Variants in MINPP1 observed in about 807,000 individuals in gnomAD.
The protein encoded by MINPP1 is multiple inositol-polyphosphate phosphatase 1.
Under a neutral mutation model 46.1 loss-of-function variants are expected in MINPP1, and 28 were observed. That is an observed-to-expected ratio of 0.61 (90% confidence interval 0.45 to 0.83). MINPP1 has a LOEUF of 0.83. Ranked by LOEUF, MINPP1 falls within the 40% of genes least tolerant of loss-of-function variation. The probability of loss-of-function intolerance (pLI) is 0.00; values close to 1 mark genes in which losing one functional copy is unlikely to be tolerated. For synonymous variants in MINPP1, 268 were observed against 249.1 expected, an observed-to-expected ratio of 1.08 and a Z score of -0.72; for missense variants, 603 against 610.0, an observed-to-expected ratio of 0.99 and a Z score of 0.12.
At chr10:87,522,556 G>A (rs911994179) in intron 4 of MINPP1, among the ~76,000 whole-genome samples, 9 of 152,254 alleles carry the variant, frequency 5.9e-5, no homozygotes, top group Admixed American at 2.0e-4. Flanking sequence ...TAATAAGTGT[G>A]CAATAGCATT....
intron 2 of MINPP1, chr10:87,509,724 C>G: frequency 2.8e-6 from 1 of 361,758 alleles, no homozygotes; most frequent in East Asian, 8.0e-5. Context: ...GATTTTAAAA[C>G]TTTTAAGAGT....
At chr10:87,519,355 C>T (rs1456699114) in intron 3 of MINPP1, among the ~76,000 whole-genome samples, 1 of 152,190 alleles carries the variant, frequency 6.6e-6, no homozygotes, top group East Asian at 1.9e-4. Context: ...GTTCCAAAAC[C>T]AGGAGTGGTC....
At position 87,507,966 on chromosome 10, in the gene MINPP1, A is replaced by G. The variant is rs1851277480; in HGVS notation, c.638-370A>G. 4 of 1,351,160 alleles carry G rather than the reference A, an allele frequency of 3.0e-6. No homozygotes were observed. The South Asian group carries it at 5.5e-5, about 18-fold the overall frequency. 83.7% of individuals were successfully genotyped at this position (1,351,160 alleles called of 1,614,324 possible). A position where few individuals can be genotyped will look rare whatever the true frequency, so the allele number is the denominator to read the frequency against. Reference sequence around the variant, plus strand: ...CTTAGAGTGAAAAAATAGATTCCATATGTTGAATTCTCTCTCACCTTGTAA... The same window carrying G: ...CTTAGAGTGAAAAAATAGATTCCATGTGTTGAATTCTCTCTCACCTTGTAA... On this transcript the variant is annotated intron_variant, in intron 1 of 4. Coordinates refer to ENST00000371996, the MANE Select transcript of MINPP1 (RefSeq NM_004897.5).
intron 4 of MINPP1, among the ~76,000 whole-genome samples, chr10:87,533,409 A>AATTTAAGCAGATATTTCT (rs1182744216): frequency 9.8e-5 from 15 of 152,308 alleles, no homozygotes; most frequent in African/African-American, 3.4e-4. Context: ...AAAACCAGCA[A>AATTTAAGCAGATATTTCT]ATTTAAGCAG....
At chr10:87,530,102 C>G (rs994990437) in intron 4 of MINPP1, among the ~76,000 whole-genome samples, 1 of 152,232 alleles carries the variant, frequency 6.6e-6, no homozygotes, top group East Asian at 1.9e-4. Flanking sequence ...GTTAACCATT[C>G]GTCTAATCTT....
At chr10:87,525,484 T>A (rs908548009) in intron 4 of MINPP1, among the ~76,000 whole-genome samples, 11 of 152,254 alleles carry the variant, frequency 7.2e-5, no homozygotes, top group Admixed American at 7.2e-4. Context: ...TTCTTTTTCA[T>A]GGCTGAATAA....
intron 4 of MINPP1, among the ~76,000 whole-genome samples, chr10:87,525,963 C>T (rs1177788371): frequency 2.0e-5 from 3 of 152,192 alleles, no homozygotes; most frequent in African/African-American, 7.2e-5. Flanking sequence ...CATTGATGGA[C>T]ATGTGGGTTG....
In MINPP1 at chr10:87,522,483, CAATG is replaced by C. The variant is rs143505342; in HGVS notation, c.1067+1317_1067+1320del. Among the ~76,000 whole-genome samples the C allele has an allele frequency of 5.7e-4, 86 of 152,200 alleles. 1 individual carries two copies. The East Asian group carries it at 0.016, about 28-fold the overall frequency. Reference sequence around the variant, plus strand: ...GACCACTGCAAAAAAGTGAATATCACAATGAAGGGAGTCACACAATTTTTTTGGT... The same window carrying C: ...GACCACTGCAAAAAAGTGAATATCACAAGGGAGTCACACAATTTTTTTGGT... On this transcript the variant is annotated intron_variant, in intron 4 of 4. Coordinates refer to ENST00000371996, the MANE Select transcript of MINPP1 (RefSeq NM_004897.5).
Position 87,552,247 on chromosome 10 carries a change from T to C in MINPP1, c.1233T>C (p.Tyr411=), listed in dbSNP as rs113442865. The C allele has an allele frequency of 1.3e-4, 203 of 1,613,764 alleles. No individual in the cohort carries two copies. The highest frequency in any genetic ancestry group is 1.7e-4 in the Non-Finnish European group (201 of 1,179,840). Residue 411 remains tyrosine, a synonymous_variant, in exon 5 of 5, where the codon TAT becomes TAC. Coordinates refer to ENST00000371996, the MANE Select transcript of MINPP1 (RefSeq NM_004897.5). ...RKFRSGLIVP[Y]ASNLIFVLYH... ...TCCGAAGTGGTCTCATTGTACCTTA[T>C]GCCTCGAACCTGATATTTGTGCTTT...
intron 4 of MINPP1, among the ~76,000 whole-genome samples, chr10:87,526,758 A>G (rs1053345685): frequency 1.1e-4 from 17 of 152,288 alleles, no homozygotes; most frequent in Middle Eastern, 3.4e-3. Flanking sequence ...TCAGCTTTCT[A>G]CATATGGCTA....
At chr10:87,551,006 T>C (rs1851954910) in intron 4 of MINPP1, among the ~76,000 whole-genome samples, 2 of 152,102 alleles carry the variant, frequency 1.3e-5, no homozygotes, top group South Asian at 4.1e-4. Flanking sequence ...GGGATTCTCT[T>C]GTTCTCAGAT....
intron 4 of MINPP1, among the ~76,000 whole-genome samples, chr10:87,549,445 G>A (rs1851932398): frequency 6.6e-6 from 1 of 152,118 alleles, no homozygotes; most frequent in Admixed American, 6.5e-5. Context: ...TCTGTCCTGT[G>A]CTCTCCAACA....
At chr10:87,526,190 C>T (rs1280679283) in intron 4 of MINPP1, among the ~76,000 whole-genome samples, 1 of 150,768 alleles carries the variant, frequency 6.6e-6, no homozygotes, top group Non-Finnish European at 1.5e-5. Flanking sequence ...AAAGTGTTCT[C>T]ACATCCTCTC....
intron 4 of MINPP1, among the ~76,000 whole-genome samples, chr10:87,537,086 G>C (rs1352579246): frequency 6.6e-6 from 1 of 152,064 alleles, no homozygotes; most frequent in African/African-American, 2.4e-5. Flanking sequence ...ACAGGCATGT[G>C]CCACCACGCC....
chr10:87,528,886 G>A (rs190273478), intron 4 of MINPP1, among the ~76,000 whole-genome samples: 13 of 152,244 alleles, frequency 8.5e-5, no homozygotes, highest in Admixed American at 4.6e-4. Flanking sequence ...TATGAATCTG[G>A]GTGCTCGTGT....
intron 4 of MINPP1, among the ~76,000 whole-genome samples, chr10:87,530,634 A>C (rs1851645857): frequency 6.6e-6 from 1 of 152,152 alleles, no homozygotes; most frequent in South Asian, 2.1e-4. Context: ...CCCCCCAGTT[A>C]GGCTACTTGG....
At chr10:87,506,020 CT>C (rs568866798) in intron 1 of MINPP1, among the ~76,000 whole-genome samples, 11,943 of 142,598 alleles carry the variant, frequency 0.084, 713 homozygotes, top group African/African-American at 0.18. Context: ...TTCCTTCTTT[CT>C]TTTTTTTTTT....
rs148064716 is a variant in MINPP1, at chr10:87,551,276, A to T, written c.1068-806A>T. ...CCAGATGCACTAAATTGATAACCTG[A>T]TGAGTGGTGGCAAAAAGTCAGACAG... On this transcript the variant is annotated intron_variant, in intron 4 of 4. Transcript: ENST00000371996. Among the ~76,000 whole-genome samples the T allele has an allele frequency of 2.0e-3, 299 of 152,098 alleles. 4 individuals carry two copies. Among genetic ancestry groups the T allele is most frequent in the African/African-American group, 6.7e-3 (278 of 41,482 alleles).
At chr10:87,540,226 C>T (rs1038319213) in intron 4 of MINPP1, among the ~76,000 whole-genome samples, 1 of 152,174 alleles carries the variant, frequency 6.6e-6, no homozygotes, top group Non-Finnish European at 1.5e-5. Context: ...CTGAACCTCA[C>T]CACTCTGTTT....
Sources: allele counts gnomAD v4.1 joint callset (sites outside exome capture counted in the v4.1 genomes callset), GRCh38; gene constraint gnomAD v4.1.1; transcripts MANE v1.5; gene names NCBI Gene and HGNC (gene_info 2026-07-23, HGNC 2026-07-21).